The following EXT1 variants were observed in gnomAD, a reference collection of about 807,000 sequenced individuals.
EXT1 encodes exostosin-1.
Under a neutral mutation model 82.5 loss-of-function variants are expected in EXT1, and 20 were observed. That is an observed-to-expected ratio of 0.24 (90% CI 0.17 to 0.35). The LOEUF is 0.35. Ranked by LOEUF, EXT1 falls within the 10% of genes least tolerant of loss-of-function variation. EXT1 has a pLI of 1.00. For synonymous variants in EXT1, 348 were observed against 350.8 expected, an observed-to-expected ratio of 0.99 and a Z score of 0.09; for missense variants, 757 against 936.5, an observed-to-expected ratio of 0.81 and a Z score of 2.50.
At position 118,057,179 on chromosome 8, in the gene EXT1, C is replaced by T. The variant is rs11562670; in HGVS notation, c.962+52906G>A. On this transcript the variant is annotated intron_variant, in intron 1 of 10. Coordinates refer to ENST00000378204, the MANE Select transcript of EXT1 (RefSeq NM_000127.3). ...TGTGCTGAATTGTGATTGGTTAATT[C>T]GTGAATGTTCAACTTCCATTCTTAT... Among the ~76,000 whole-genome samples the T allele has an allele frequency of 4.0e-3, 611 of 152,258 alleles. 6 individuals are homozygous for T. In the East Asian group the frequency reaches 0.047, roughly 12 times the overall value.
intron 4 of EXT1, among the ~76,000 whole-genome samples, chr8:117,823,506 TA>T (rs11323046): frequency 0.097 from 13,800 of 142,258 alleles, 762 homozygotes; most frequent in African/African-American, 0.17. Flanking sequence ...TTTTTTACAT[TA>T]AAAAAAAAAA....
intron 1 of EXT1, among the ~76,000 whole-genome samples, chr8:117,858,990 G>A (rs959842806): frequency 6.6e-6 from 1 of 152,156 alleles, no homozygotes; most frequent in Admixed American, 6.5e-5. Context: ...CCCTTCACCA[G>A]CAAAATGATT....
At chr8:118,013,091 G>A (rs1815935039) in intron 1 of EXT1, among the ~76,000 whole-genome samples, 1 of 151,996 alleles carries the variant, frequency 6.6e-6, no homozygotes, top group Non-Finnish European at 1.5e-5. Flanking sequence ...CTGGAGTACA[G>A]TGGCACAATC....
chr8:118,111,227 C>T lies in EXT1; in HGVS notation c.-181G>A. 1.2e-6 allele frequency: 1 copy of T among 848,724 alleles called. No individual in the cohort carries two copies. Among genetic ancestry groups the T allele is most frequent in the Admixed American group, 2.1e-5 (1 of 46,708 alleles). The allele number at this position is 848,724 out of a possible 1,614,324, so 52.6% of individuals were successfully genotyped here. A position where few individuals can be genotyped will look rare whatever the true frequency, so the allele number is the denominator to read the frequency against. ...CTGATCCAGCGCATGTGGGCGATTT[C>T]TTTAACTTTCTCCCCTTCGGTCTTT... is the stretch of plus-strand genomic sequence containing the variant. On this transcript the variant is annotated 5_prime_UTR_variant, in exon 1 of 11. Transcript: ENST00000378204.
chr8:118,002,584 C>T (rs1425231396), intron 1 of EXT1, among the ~76,000 whole-genome samples: 8 of 137,412 alleles, frequency 5.8e-5, no homozygotes, highest in Admixed American at 1.6e-4. Context: ...CAGGTTGGAG[C>T]GCAGTGGTGC....
intron 1 of EXT1, among the ~76,000 whole-genome samples, chr8:117,934,913 G>A (rs1011249752): frequency 1.3e-5 from 2 of 152,240 alleles, no homozygotes; most frequent in African/African-American, 4.8e-5. Context: ...CAGCCCTTTC[G>A]CCCTGAATTG....
intron 8 of EXT1, among the ~76,000 whole-genome samples, chr8:117,809,702 G>A (rs1406420689): frequency 1.1e-4 from 17 of 151,954 alleles, no homozygotes; most frequent in Admixed American, 2.0e-4. Flanking sequence ...AGAAAGCTTG[G>A]TAGGGAGCAC....
intron 1 of EXT1, among the ~76,000 whole-genome samples, chr8:117,971,314 G>A (rs1814934904): frequency 6.6e-6 from 1 of 152,152 alleles, no homozygotes; most frequent in Admixed American, 6.5e-5. Flanking sequence ...GCCTTAGTAA[G>A]TGGGCAAATT....
At chr8:118,025,704 C>T (rs955875293) in intron 1 of EXT1, among the ~76,000 whole-genome samples, 2 of 151,920 alleles carry the variant, frequency 1.3e-5, no homozygotes, top group Non-Finnish European at 2.9e-5. Context: ...CGGTTTTAGG[C>T]ACAGGAGAAA....
intron 1 of EXT1, among the ~76,000 whole-genome samples, chr8:117,874,769 G>T (rs1449904039): frequency 2.6e-5 from 4 of 152,054 alleles, no homozygotes; most frequent in Admixed American, 1.3e-4. Context: ...AATGATAGAA[G>T]AAACTAGTAA....
intron 1 of EXT1, among the ~76,000 whole-genome samples, chr8:117,952,669 C>T (rs755284183): frequency 6.6e-6 from 1 of 151,392 alleles, no homozygotes; most frequent in Non-Finnish European, 1.5e-5. Flanking sequence ...GGCTGAGGCA[C>T]AAGAATCGCT....
chr8:117,873,870 T>C (rs1226588142), intron 1 of EXT1, among the ~76,000 whole-genome samples: 1 of 152,266 alleles, frequency 6.6e-6, no homozygotes, highest in East Asian at 1.9e-4. Flanking sequence ...AATAGATTTA[T>C]TTGGTATTTC....
intron 1 of EXT1, among the ~76,000 whole-genome samples, chr8:117,959,101 T>C (rs17453427): frequency 0.03 from 4,543 of 152,288 alleles, 115 homozygotes; most frequent in South Asian, 0.077. Flanking sequence ...TAGCATCACA[T>C]TGGACCTGAG....
intron 1 of EXT1, among the ~76,000 whole-genome samples, chr8:117,886,189 G>A (rs1586264316): frequency 6.6e-6 from 1 of 152,172 alleles, no homozygotes; most frequent in Admixed American, 6.5e-5. Context: ...ATTGTACCTT[G>A]TAAATGAGCT....
intron 8 of EXT1, among the ~76,000 whole-genome samples, chr8:117,810,394 A>G (rs1823300334): frequency 6.6e-6 from 1 of 152,180 alleles, no homozygotes; most frequent in Non-Finnish European, 1.5e-5. Flanking sequence ...AGCAAACCAG[A>G]CTGCCAGCCT....
intron 1 of EXT1, among the ~76,000 whole-genome samples, chr8:118,092,999 T>C (rs937180472): frequency 6.6e-6 from 1 of 152,166 alleles, no homozygotes; most frequent in Non-Finnish European, 1.5e-5. Flanking sequence ...TTCACAGACA[T>C]GTCCCAAAAA....
At chr8:118,053,261 G>A (rs1305697731) in intron 1 of EXT1, among the ~76,000 whole-genome samples, 1 of 152,136 alleles carries the variant, frequency 6.6e-6, no homozygotes, top group Non-Finnish European at 1.5e-5. Flanking sequence ...TGTGGTCTGT[G>A]GTGGTCGTTC....
chr8:117,796,593 G>C lies in EXT1; in HGVS notation c.*3119C>G, dbSNP rs1202381050. ...TGCAACCGGATTGATCCTTCTTTGAGCACCATTTGTCACAAGAAGAAATTA... is the reference window on the plus strand; with the variant it reads ...TGCAACCGGATTGATCCTTCTTTGACCACCATTTGTCACAAGAAGAAATTA... On this transcript the variant is annotated 3_prime_UTR_variant, in exon 11 of 11. Transcript: ENST00000378204. 2 of 152,068 alleles carry C rather than the reference G, an allele frequency of 1.3e-5. No individual in the cohort carries two copies. The highest frequency in any genetic ancestry group is 4.8e-5 in the African/African-American group (2 of 41,398). 9.4% of individuals were successfully genotyped at this position (152,068 alleles called of 1,614,324 possible). A position where few individuals can be genotyped will look rare whatever the true frequency, so the allele number is the denominator to read the frequency against.
intron 7 of EXT1, among the ~76,000 whole-genome samples, chr8:117,817,271 A>C (rs554147750): frequency 7.2e-5 from 11 of 152,172 alleles, no homozygotes; most frequent in Non-Finnish European, 1.2e-4. Context: ...TCCTTGTGAC[A>C]GTTACAATTG....
Sources: allele counts gnomAD v4.1 joint callset (sites outside exome capture counted in the v4.1 genomes callset), GRCh38; gene constraint gnomAD v4.1.1; transcripts MANE v1.5; gene names NCBI Gene and HGNC (gene_info 2026-07-23, HGNC 2026-07-21).